Variants in VWA3A observed in about 807,000 individuals in gnomAD.
The protein encoded by VWA3A is von Willebrand factor A domain-containing protein 3A.
A neutral mutation model predicts 160.4 loss-of-function variants in VWA3A; 134 were observed. That is an observed-to-expected ratio of 0.84 (90% CI 0.73 to 0.96). The LOEUF (loss-of-function observed/expected upper bound fraction) is 0.96, where lower values mean the gene tolerates loss of function less well. VWA3A is among the 40% of genes least tolerant of loss of function. The pLI, the probability that VWA3A is intolerant of heterozygous loss-of-function variation, is 0.00. For missense variants in VWA3A, 1,310 were observed against 1,447.9 expected (o/e 0.90, Z 1.55); for synonymous variants, 476 against 543.4 (o/e 0.88, Z 1.72).
Position 22,109,540 on chromosome 16 carries a change from G to A in VWA3A, c.542G>A (p.Ser181Asn). 1 of 1,613,604 alleles carries A rather than the reference G, an allele frequency of 6.2e-7. No individual in the cohort carries two copies. The highest frequency in any genetic ancestry group is 1.1e-5 in the South Asian group (1 of 90,924). The change falls in exon 7 of 34, where the codon AGC (serine) becomes AAC (asparagine). Residue 181 changes from serine to asparagine, a missense_variant. Transcript: ENST00000389398. Reference protein sequence around the residue: ...VSILIDVSAISSGPQKEEFQK... With the variant: ...VSILIDVSAINSGPQKEEFQK... ...ATCCTCATAGATGTGTCAGCCATCA[G>A]CAGTGGCCCTCAGAAAGAAGAGTTC...
intron 9 of VWA3A, among the ~76,000 whole-genome samples, chr16:22,116,157 G>A (rs1201738555): frequency 1.4e-5 from 2 of 139,370 alleles, no homozygotes; most frequent in African/African-American, 5.6e-5. Context: ...GAAATAAAAA[G>A]GAAGAAAGAA....
chr16:22,099,427 C>A (rs559169482), intron 3 of VWA3A, among the ~76,000 whole-genome samples: 17 of 152,308 alleles, frequency 1.1e-4, no homozygotes, highest in Non-Finnish European at 2.5e-4. Context: ...ACATCTGCCA[C>A]TTTCTAGCTG....
chr16:22,100,841 CAA>C (rs767100971), intron 5 of VWA3A, among the ~76,000 whole-genome samples: 23 of 87,764 alleles, frequency 2.6e-4, no homozygotes, highest in Non-Finnish European at 3.3e-4. Flanking sequence ...AACTCTGTCT[CAA>C]AAAAAAAAAA....
At chr16:22,105,209 C>T (rs1164830220) in intron 6 of VWA3A, among the ~76,000 whole-genome samples, 3 of 152,172 alleles carry the variant, frequency 2.0e-5, no homozygotes, top group South Asian at 4.1e-4. Flanking sequence ...ATGCTGCTCT[C>T]ACCCCCCGAC....
Position 22,100,474 on chromosome 16 carries a change from T to A in VWA3A, c.409T>A (p.Phe137Ile). Reference protein sequence around the residue: ...ICFSTQIIRHFESKLSDTIEV... With the variant: ...ICFSTQIIRHIESKLSDTIEV... ...TTTCTCCACCCAGATCATCCGCCAT[T>A]TTGAGTCAAAGCTTTCTGAGTAAGT... Residue 137 changes from phenylalanine (F) to isoleucine (I), a missense_variant, in exon 5 of 34, where the codon TTT (phenylalanine) becomes ATT (isoleucine). Coordinates refer to ENST00000389398, the MANE Select transcript of VWA3A (RefSeq NM_173615.5). The A allele has an allele frequency of 6.4e-7, 1 of 1,551,576 alleles. No homozygotes were observed.
chr16:22,110,973 C>A lies in VWA3A; in HGVS notation c.668C>A (p.Pro223His). 1 of 1,608,682 alleles carries A rather than the reference C, an allele frequency of 6.2e-7. No homozygotes were observed. The highest frequency in any genetic ancestry group is 8.5e-7 in the Non-Finnish European group (1 of 1,177,702). The change falls in exon 8 of 34, where the codon CCC (proline) becomes CAC (histidine). Residue 223 changes from proline (P) to histidine (H), a missense_variant. Transcript: ENST00000389398. ...AATGCCGGGTCCCTCTGGCCAGACC[C>A]CATGGAAGTCAGCGCCTCCACGTGA... ...GTNAGSLWPD[P>H]MEVSASTLQE...
chr16:22,118,808 C>A, intron 11 of VWA3A, 94 bp from the exon 12 acceptor site: 3 of 1,533,330 alleles, frequency 2.0e-6, no homozygotes, highest in Non-Finnish European at 1.8e-6. Flanking sequence ...TGACCCTCTG[C>A]CTGGGCATTG....
chr16:22,140,939 G>T (rs2046135764), intron 23 of VWA3A, among the ~76,000 whole-genome samples: 1 of 152,094 alleles, frequency 6.6e-6, no homozygotes, highest in African/African-American at 2.4e-5. Flanking sequence ...AATCATAATA[G>T]CAATAATGAT....
chr16:22,105,553 C>A (rs538641019), intron 6 of VWA3A, among the ~76,000 whole-genome samples: 1 of 152,226 alleles, frequency 6.6e-6, no homozygotes, highest in Admixed American at 6.5e-5. Flanking sequence ...TCTGTTTAGG[C>A]TCCCTAATTT....
At chr16:22,148,786 G>A (rs1043873235) in intron 28 of VWA3A, among the ~76,000 whole-genome samples, 13 of 152,040 alleles carry the variant, frequency 8.6e-5, no homozygotes, top group Admixed American at 6.6e-4. Flanking sequence ...AAAAAGGAAC[G>A]CAATTTTTAA....
rs1257669087 is a variant in VWA3A, at chr16:22,149,824, T to C, written c.3022T>C (p.Trp1008Arg). 2.5e-6 allele frequency: 4 copies of C among 1,588,976 alleles called. No homozygotes were observed. Among genetic ancestry groups the C allele is most frequent in the Non-Finnish European group, 3.4e-6 (4 of 1,167,880 alleles). The change falls in exon 29 of 34, where the codon TGG (tryptophan) becomes CGG (arginine). Residue 1008 changes from tryptophan (W) to arginine (R), a missense_variant. Coordinates refer to ENST00000389398, the MANE Select transcript of VWA3A (RefSeq NM_173615.5). ...CAGCTTTGCAGAGAGCTTTCAGTCA[T>C]GGCAGGACACGCTGGTGGAGACCAC... ...LLSFAESFQS[W>R]QDTLVETTDA... is the part of the protein sequence containing the mutation.
At chr16:22,131,798 C>G in intron 19 of VWA3A, 69 bp downstream of exon 19, 2 of 1,532,108 alleles carry the variant, frequency 1.3e-6, no homozygotes, top group Non-Finnish European at 1.8e-6. Flanking sequence ...AGGTGGATAC[C>G]TTGCCAAGGT....
At position 22,131,284 on chromosome 16, in the gene VWA3A, G is replaced by T; in HGVS notation, c.1727+5G>T. The stretch of plus-strand genomic sequence containing the variant: ...CAATTTACAAAGTGCCTGGCGGTAG[G>T]TTATGGGCAGAGACTTCGTGGGGCT... On this transcript the variant is annotated splice_donor_5th_base_variant and intron_variant, in intron 18 of 33. Transcript: ENST00000389398. The T allele has an allele frequency of 1.2e-6, 2 of 1,613,862 alleles. No homozygotes were observed. Among genetic ancestry groups the T allele is most frequent in the Non-Finnish European group, 1.7e-6 (2 of 1,179,840 alleles).
chr16:22,099,550 A>T (rs2045376248), intron 3 of VWA3A, among the ~76,000 whole-genome samples: 1 of 152,248 alleles, frequency 6.6e-6, no homozygotes, highest in African/African-American at 2.4e-5. Context: ...ACGTACGGAA[A>T]GTGCTTAACA....
chr16:22,099,745 G>A (rs1365112677), intron 3 of VWA3A, among the ~76,000 whole-genome samples: 1 of 152,178 alleles, frequency 6.6e-6, no homozygotes, highest in East Asian at 1.9e-4. Context: ...CTGCACTCCA[G>A]CCTGGGTGAC....
intron 17 of VWA3A, 77 bp downstream of exon 17, chr16:22,126,374 C>A: frequency 6.5e-7 from 1 of 1,541,706 alleles, no homozygotes; most frequent in Non-Finnish European, 8.7e-7. Context: ...AGGCTTTGGA[C>A]GTTGCTGGAC....
intron 20 of VWA3A, among the ~76,000 whole-genome samples, chr16:22,133,751 G>C (rs1458478870): frequency 6.6e-6 from 1 of 151,768 alleles, no homozygotes; most frequent in Non-Finnish European, 1.5e-5. Context: ...TTGGAAAGTT[G>C]AGGCGAGCGG....
At chr16:22,126,883 A>G (rs571284801) in intron 17 of VWA3A, among the ~76,000 whole-genome samples, 3 of 151,606 alleles carry the variant, frequency 2.0e-5, no homozygotes, top group African/African-American at 7.2e-5. Flanking sequence ...ACATTTAATT[A>G]TGTGTATATA....
intron 3 of VWA3A, among the ~76,000 whole-genome samples, 176 bp downstream of exon 3, chr16:22,097,871 T>C (rs1471186151): frequency 6.6e-6 from 1 of 152,244 alleles, no homozygotes; most frequent in South Asian, 2.1e-4. Context: ...ATCTCTATAC[T>C]GTTTATATAG....
Sources: allele counts gnomAD v4.1 joint callset (sites outside exome capture counted in the v4.1 genomes callset), GRCh38; gene constraint gnomAD v4.1.1; transcripts MANE v1.5; gene names NCBI Gene and HGNC (gene_info 2026-07-23, HGNC 2026-07-21).